Variants in PSTPIP2 observed in about 807,000 individuals in gnomAD.
PSTPIP2 encodes the protein proline-serine-threonine phosphatase interacting protein 2.
PSTPIP2 carries 33 observed loss-of-function variants against 63.3 expected under a neutral mutation model. The observed-to-expected ratio is 0.52, with a 90% CI of 0.40 to 0.70. The LOEUF (loss-of-function observed/expected upper bound fraction) is 0.70, where lower values mean the gene tolerates loss of function less well. PSTPIP2 is among the 30% of genes least tolerant of loss of function. The pLI, the probability that PSTPIP2 is intolerant of heterozygous loss-of-function variation, is 0.00. For missense variants in PSTPIP2, 312 were observed against 400.7 expected (o/e 0.78, Z 1.89); for synonymous variants, 125 against 132.7 (o/e 0.94, Z 0.40).
At chr18:46,020,893 T>C (rs575357493) in intron 3 of PSTPIP2, among the ~76,000 whole-genome samples, 5 of 152,322 alleles carry the variant, frequency 3.3e-5, no homozygotes, top group African/African-American at 1.2e-4. Context: ...AAGGCAAACG[T>C]CAAATATGTA....
chr18:46,033,865 C>T (rs1907873900), intron 2 of PSTPIP2, among the ~76,000 whole-genome samples: 1 of 152,166 alleles, frequency 6.6e-6, no homozygotes, highest in African/African-American at 2.4e-5. Flanking sequence ...ATAAAGTCTT[C>T]AAGACAGCAT....
chr18:45,992,889 AT>A (rs1168777627), intron 10 of PSTPIP2, among the ~76,000 whole-genome samples: 4 of 151,252 alleles, frequency 2.6e-5, no homozygotes, highest in South Asian at 4.2e-4. Context: ...CGTCTGGCTA[AT>A]TTTTTTTGCA....
chr18:46,064,480 A>ATTTTTTG (rs1599752600), intron 1 of PSTPIP2, among the ~76,000 whole-genome samples: 1 of 43,706 alleles, frequency 2.3e-5, no homozygotes, highest in Non-Finnish European at 4.9e-5. Flanking sequence ...TTTTTTTTTA[A>ATTTTTTG]GTAAAGACGG....
intron 5 of PSTPIP2, among the ~76,000 whole-genome samples, chr18:46,008,535 C>T (rs2051757581): frequency 6.6e-6 from 1 of 152,120 alleles, no homozygotes; most frequent in South Asian, 2.1e-4. Context: ...TGGTTTCAAA[C>T]TCCTGACCTC....
intron 10 of PSTPIP2, among the ~76,000 whole-genome samples, chr18:45,993,091 G>A (rs2051555761): frequency 6.6e-6 from 1 of 152,062 alleles, no homozygotes; most frequent in African/African-American, 2.4e-5. Flanking sequence ...AAAAGCCTTG[G>A]CTGAATTTTT....
rs563076729 is a variant in PSTPIP2 at position 46,005,261 on chromosome 18, T to G, written c.417+208A>C. On this transcript the variant is annotated intron_variant, in intron 6 of 14. Coordinates refer to ENST00000409746, the MANE Select transcript of PSTPIP2 (RefSeq NM_024430.4). ...AGCAGAAAAGATAACTATTGGGTAC[T>G]GAACTTAATCTCTGGGTAATGTAAT... is the stretch of plus-strand genomic sequence containing the variant. Among the ~76,000 whole-genome samples, 17 of 152,290 alleles carry G rather than the reference T, an allele frequency of 1.1e-4. No individual in the cohort carries two copies. The South Asian group carries it at 3.5e-3, about 32-fold the overall frequency.
intron 1 of PSTPIP2, among the ~76,000 whole-genome samples, chr18:46,043,166 G>T (rs564926095): frequency 6.8e-6 from 1 of 147,360 alleles, no homozygotes; most frequent in Non-Finnish European, 1.5e-5. Context: ...CGGGAGGATC[G>T]CTTGAGCTCA....
Position 46,056,625 on chromosome 18 carries a change from G to C in PSTPIP2, c.33+15531C>G, listed in dbSNP as rs368637698. Among the ~76,000 whole-genome samples the C allele has an allele frequency of 2.0e-5, 3 of 152,328 alleles. No homozygotes were observed. In the South Asian group the frequency reaches 6.2e-4, roughly 32 times the overall value. ...ACCTGTGGTCCCAGCTACTCCGGGG[G>C]CTGAGGCAGGAGGCTCACTTGAGCC... On this transcript the variant is annotated intron_variant, in intron 1 of 14. Transcript: ENST00000409746.
At chr18:46,046,324 C>T (rs891669172) in intron 1 of PSTPIP2, among the ~76,000 whole-genome samples, 1 of 152,358 alleles carries the variant, frequency 6.6e-6, no homozygotes, top group African/African-American at 2.4e-5. Context: ...AACAGGGTTA[C>T]GGGTCCCGCT....
At chr18:45,989,714 G>A (rs1251762485) in intron 13 of PSTPIP2, 1 of 152,194 alleles carries the variant, frequency 6.6e-6, no homozygotes, top group East Asian at 1.9e-4. Flanking sequence ...TACAACTAAT[G>A]AGAGCTTGTT....
chr18:46,005,541 G>C lies in PSTPIP2; in HGVS notation c.355-10C>G. On this transcript the variant is annotated splice_polypyrimidine_tract_variant and intron_variant, in intron 5 of 14. Transcript: ENST00000409746. ...CCATTATGAGCTCTGTCTGTAAAGA[G>C]ATCATAAACACTCTTAATAAAAACA... is the stretch of plus-strand genomic sequence containing the variant. 6.4e-7 allele frequency: 1 copy of C among 1,555,330 alleles called. No homozygotes were observed. Among genetic ancestry groups the C allele is most frequent in the Non-Finnish European group, 8.8e-7 (1 of 1,138,792 alleles).
In PSTPIP2 at chr18:46,040,062, A is replaced by G; in HGVS notation, c.34-15T>C. 6.4e-7 allele frequency: 1 copy of G among 1,571,412 alleles called. No homozygotes were observed. ...ATGTCTGCACTCTGGGGGAAAGACA[A>G]CATGGCATCAGACCAGGAACAGAAG... On this transcript the variant is annotated splice_polypyrimidine_tract_variant and intron_variant, in intron 1 of 14. Coordinates refer to ENST00000409746, the MANE Select transcript of PSTPIP2 (RefSeq NM_024430.4).
rs115649331 is a variant in PSTPIP2, at chr18:46,009,764, C to T, written c.354+1417G>A. 5.3e-3 allele frequency among the ~76,000 whole-genome samples: 807 copies of T among 152,244 alleles called. 13 individuals are homozygous for T. The highest frequency in any genetic ancestry group is 0.019 in the African/African-American group (774 of 41,538). On this transcript the variant is annotated intron_variant, in intron 5 of 14. Transcript: ENST00000409746. ...TCCTCTCCTCTGAGGGGAAGTCATG[C>T]GTGCCTAGACTCTGGTTGTCTAAGG...
intron 4 of PSTPIP2, 143 bp downstream of exon 4, chr18:46,015,760 A>C: frequency 3.5e-6 from 3 of 850,630 alleles, no homozygotes; most frequent in Non-Finnish European, 5.5e-6. Context: ...TCGAGCCTGC[A>C]GAGCTTTGTC....
chr18:46,000,469 C>T (rs958005897), intron 6 of PSTPIP2, among the ~76,000 whole-genome samples: 10 of 152,228 alleles, frequency 6.6e-5, no homozygotes, highest in South Asian at 2.1e-4. Flanking sequence ...TGGGTTCAAG[C>T]GATTCTCCTG....
chr18:46,037,986 C>T (rs1427778090), intron 2 of PSTPIP2, among the ~76,000 whole-genome samples: 1 of 152,158 alleles, frequency 6.6e-6, no homozygotes, highest in Non-Finnish European at 1.5e-5. Context: ...GCTTTGGGAT[C>T]CTATTTGGAC....
intron 4 of PSTPIP2, among the ~76,000 whole-genome samples, chr18:46,013,850 G>A (rs559029753): frequency 6.6e-6 from 1 of 152,224 alleles, no homozygotes; most frequent in East Asian, 1.9e-4. Context: ...TCTGACAACT[G>A]TGACATTGGT....
intron 2 of PSTPIP2, among the ~76,000 whole-genome samples, chr18:46,030,666 T>C (rs566508654): frequency 6.6e-6 from 1 of 152,370 alleles, no homozygotes; most frequent in African/African-American, 2.4e-5. Context: ...CTTGCTTGAC[T>C]AAATTTTATC....
At position 46,031,174 on chromosome 18, in the gene PSTPIP2, T is replaced by C. The variant is rs559916318; in HGVS notation, c.135-6488A>G. ...TGGGATCAGTTATCCACATGTTGGA[T>C]TGGCTTTGTTCTTGAGTTATGGGCT... On this transcript the variant is annotated intron_variant, in intron 2 of 14. Coordinates refer to ENST00000409746, the MANE Select transcript of PSTPIP2 (RefSeq NM_024430.4). Among the ~76,000 whole-genome samples, 387 of 152,356 alleles carry C rather than the reference T, an allele frequency of 2.5e-3. 3 individuals carry two copies. The highest frequency in any genetic ancestry group is 4.9e-3 in the Non-Finnish European group (333 of 68,036).
Sources: allele counts gnomAD v4.1 joint callset (sites outside exome capture counted in the v4.1 genomes callset), GRCh38; gene constraint gnomAD v4.1.1; transcripts MANE v1.5; gene names NCBI Gene and HGNC (gene_info 2026-07-23, HGNC 2026-07-21).